Variants in FBXL13 observed in about 807,000 individuals in gnomAD.
The protein encoded by FBXL13 is F-box and leucine rich repeat protein 13, also known as F-box and leucine-rich repeat protein 13.
FBXL13 carries 67 observed loss-of-function variants against 83.6 expected under a neutral mutation model. That is an observed-to-expected ratio of 0.80 (90% CI 0.66 to 0.98). The LOEUF (loss-of-function observed/expected upper bound fraction) is 0.98, where lower values mean the gene tolerates loss of function less well. Ranked by LOEUF, FBXL13 falls within the 50% of genes least tolerant of loss-of-function variation. FBXL13 has a pLI of 0.00. For missense variants in FBXL13, 822 were observed against 866.5 expected (o/e 0.95, Z 0.64); for synonymous variants, 272 against 299.5 (o/e 0.91, Z 0.95).
chr7:102,987,820 G>A (rs1383432777), intron 6 of FBXL13, among the ~76,000 whole-genome samples: 1 of 152,128 alleles, frequency 6.6e-6, no homozygotes, highest in East Asian at 1.9e-4. Context: ...GAGGGGTGGG[G>A]AGTAGTCCCA....
intron 6 of FBXL13, among the ~76,000 whole-genome samples, chr7:103,014,921 CAAAAAAAAAAAAAA>C (rs1166056647): frequency 0.076 from 1,559 of 20,644 alleles, 50 homozygotes; most frequent in African/African-American, 0.17. Context: ...GACTCCGTCT[CAAAAAAAAAAAAAA>C]AAAAAAAAAA....
intron 10 of FBXL13, among the ~76,000 whole-genome samples, chr7:102,913,497 G>C (rs1001828816): frequency 1.3e-5 from 2 of 152,168 alleles, no homozygotes; most frequent in Non-Finnish European, 1.5e-5. Flanking sequence ...CTGGGATAAA[G>C]CTTTTTTGGT....
intron 10 of FBXL13, among the ~76,000 whole-genome samples, 163 bp downstream of exon 11, chr7:102,926,111 A>AC (rs765517275): frequency 6.6e-6 from 1 of 152,222 alleles, no homozygotes; most frequent in Non-Finnish European, 1.5e-5. Flanking sequence ...CAGTTCAGGC[A>AC]CCAGCTTAGG....
In FBXL13 at chr7:102,877,551, ATGTT is replaced by A; in HGVS notation, c.1547_1550del (p.Glu516ValfsTer2). ...TATATCCAATTCCTTGGGCAGTCAAATGTTCACAATTTCGTAAACTCAAGTAGTT... is the reference window on the plus strand; with the variant it reads ...TATATCCAATTCCTTGGGCAGTCAAACACAATTTCGTAAACTCAAGTAGTT... On this transcript the variant is annotated frameshift_variant, in exon 16 of 20. Transcript: ENST00000313221. LOFTEE classifies it high-confidence loss of function. 6.2e-7 allele frequency: 1 copy of A among 1,611,194 alleles called. No individual in the cohort carries two copies. Among genetic ancestry groups the A allele is most frequent in the Non-Finnish European group, 8.5e-7 (1 of 1,179,144 alleles).
At chr7:102,853,653 T>C (rs1343876071) in intron 17 of FBXL13, among the ~76,000 whole-genome samples, 1 of 151,840 alleles carries the variant, frequency 6.6e-6, no homozygotes, top group African/African-American at 2.4e-5. Flanking sequence ...GAATCTACAA[T>C]GAACTCAAAC....
At chr7:102,851,251 C>T (rs947892864) in intron 17 of FBXL13, among the ~76,000 whole-genome samples, 1 of 152,110 alleles carries the variant, frequency 6.6e-6, no homozygotes, top group Non-Finnish European at 1.5e-5. Flanking sequence ...TCCTCTACAG[C>T]CCACACTAGT....
intron 18 of FBXL13, among the ~76,000 whole-genome samples, chr7:102,824,766 G>A (rs1418541680): frequency 6.7e-6 from 1 of 150,322 alleles, no homozygotes; most frequent in South Asian, 2.1e-4. Context: ...GATTACAGGC[G>A]TGAGCCACCA....
At chr7:102,841,468 C>T (rs1802929023) in intron 17 of FBXL13, among the ~76,000 whole-genome samples, 1 of 152,108 alleles carries the variant, frequency 6.6e-6, no homozygotes, top group Non-Finnish European at 1.5e-5. Flanking sequence ...TGGTTCTTCC[C>T]CAATGGGAGT....
chr7:103,044,852 C>T (rs1014916341), intron 2 of FBXL13, among the ~76,000 whole-genome samples: 4 of 152,120 alleles, frequency 2.6e-5, no homozygotes, highest in Admixed American at 2.6e-4. Flanking sequence ...ATTGTCTTTC[C>T]TTCTACTATT....
At chr7:102,811,207 T>C (rs186206414), downstream of FBXL13, among the ~76,000 whole-genome samples, 650 of 151,974 alleles carry the variant, frequency 4.3e-3, 6 homozygotes, top group African/African-American at 0.015. Flanking sequence ...ATAACAGCAG[T>C]CAACTATATT....
rs140939767 is a variant in FBXL13 at position 102,990,113 on chromosome 7, G to T, written c.496-21996C>A. Among the ~76,000 whole-genome samples the T allele has an allele frequency of 4.7e-3, 713 of 152,300 alleles. 2 individuals carry two copies. Among genetic ancestry groups the T allele is most frequent in the African/African-American group, 0.016 (672 of 41,566 alleles). On this transcript the variant is annotated intron_variant, in intron 6 of 19. Transcript: ENST00000313221. ...GGTAAATTGGAAATGTCCTTATCATGATTCCAAAGCAATGCCGACACCAGA... is the reference window on the plus strand; with the variant it reads ...GGTAAATTGGAAATGTCCTTATCATTATTCCAAAGCAATGCCGACACCAGA...
At chr7:103,021,557 T>C (rs1793176002) in intron 6 of FBXL13, among the ~76,000 whole-genome samples, 1 of 152,022 alleles carries the variant, frequency 6.6e-6, no homozygotes, top group Non-Finnish European at 1.5e-5. Flanking sequence ...ACCTACAGAA[T>C]GGGAGAAAAT....
chr7:102,997,213 ACATT>A (rs1789894938), intron 6 of FBXL13, among the ~76,000 whole-genome samples: 1 of 152,170 alleles, frequency 6.6e-6, no homozygotes, highest in African/African-American at 2.4e-5. Context: ...ACCGCGGAAA[ACATT>A]CATGCTTTTA....
At chr7:103,067,597 G>C (rs1193884798) in intron 1 of FBXL13, among the ~76,000 whole-genome samples, 1 of 152,220 alleles carries the variant, frequency 6.6e-6, no homozygotes, top group Non-Finnish European at 1.5e-5. Flanking sequence ...GCTACATGGA[G>C]ATGTTACACA....
chr7:102,864,144 G>C (rs547075313), intron 16 of FBXL13, among the ~76,000 whole-genome samples: 1 of 152,236 alleles, frequency 6.6e-6, no homozygotes, highest in Admixed American at 6.5e-5. Context: ...GGGCACTCAA[G>C]GCCACCCACA....
At chr7:102,974,776 C>G (rs1341857150) in intron 6 of FBXL13, among the ~76,000 whole-genome samples, 1 of 152,072 alleles carries the variant, frequency 6.6e-6, no homozygotes, top group Non-Finnish European at 1.5e-5. Flanking sequence ...TCTCAGCCGT[C>G]TTCTTTAACC....
At chr7:103,042,606 T>C (rs1037929628) in intron 2 of FBXL13, among the ~76,000 whole-genome samples, 1 of 152,190 alleles carries the variant, frequency 6.6e-6, no homozygotes, top group Non-Finnish European at 1.5e-5. Context: ...AGCATGGTAC[T>C]GGTACCAAAA....
rs78740900 is a variant in FBXL13 at position 102,848,725 on chromosome 7, G to A, written c.1719+6052C>T. Among the ~76,000 whole-genome samples, 2,128 of 152,022 alleles carry A rather than the reference G, an allele frequency of 0.014. 115 individuals carry two copies. In the East Asian group the frequency reaches 0.16, roughly 11 times the overall value. On this transcript the variant is annotated intron_variant, in intron 17 of 19. Coordinates refer to ENST00000313221, the Ensembl canonical transcript of FBXL13. Reference sequence around the variant, plus strand: ...AAAGCAACCAGAGGCCAGGCACGGCGCCTCACACCCATAATTCCAGCAGTT... The same window carrying A: ...AAAGCAACCAGAGGCCAGGCACGGCACCTCACACCCATAATTCCAGCAGTT...
intron 18 of FBXL13, chr7:102,827,210 T>C (rs1439833810): frequency 6.7e-6 from 3 of 448,252 alleles, no homozygotes; most frequent in Non-Finnish European, 1.4e-5. Context: ...GCTAGCTTGC[T>C]GGAGGATGAG....
Sources: gnomAD v4.1 joint callset for allele counts (sites outside exome capture counted in the v4.1 genomes callset) on GRCh38, gnomAD v4.1.1 for gene constraint, MANE v1.5 for transcripts, NCBI Gene and HGNC (gene_info 2026-07-23, HGNC 2026-07-21) for gene names.